SLC2A13: variants seen among roughly 807,000 people sequenced by gnomAD.
SLC2A13 encodes proton myo-inositol cotransporter.
A neutral mutation model predicts 64.4 loss-of-function variants in SLC2A13; 32 were observed. The observed-to-expected ratio is 0.50, with a 90% CI of 0.37 to 0.67. SLC2A13 has a LOEUF of 0.67. SLC2A13 is among the 30% of genes least tolerant of loss of function. The pLI, the probability that SLC2A13 is intolerant of heterozygous loss-of-function variation, is 0.00. For synonymous variants in SLC2A13, 338 were observed against 327.1 expected (o/e 1.03, Z -0.36); for missense variants, 743 against 829.2 (o/e 0.90, Z 1.28).
chr12:39,960,253 G>T, intron 3 of SLC2A13, among the ~76,000 whole-genome samples: 1 of 152,108 alleles, frequency 6.6e-6, no homozygotes, highest in East Asian at 1.9e-4. Flanking sequence ...TGCTGCACTT[G>T]TATGTTAATT....
intron 2 of SLC2A13, among the ~76,000 whole-genome samples, chr12:40,038,605 C>T (rs1472916787): frequency 6.6e-6 from 1 of 151,736 alleles, no homozygotes; most frequent in Non-Finnish European, 1.5e-5. Flanking sequence ...GTGGCATGTA[C>T]TTCTAGTCCT....
chr12:39,762,863 T>C (rs995668776), intron 9 of SLC2A13, among the ~76,000 whole-genome samples: 15 of 152,022 alleles, frequency 9.9e-5, no homozygotes, highest in African/African-American at 3.4e-4. Context: ...CTTTTAACTG[T>C]TTATTTTTGA....
At chr12:39,790,389 G>T (rs1941351891) in intron 7 of SLC2A13, among the ~76,000 whole-genome samples, 1 of 109,648 alleles carries the variant, frequency 9.1e-6, no homozygotes. Flanking sequence ...CCCCACCACA[G>T]TCCCCAGAGT....
intron 4 of SLC2A13, among the ~76,000 whole-genome samples, chr12:39,880,371 A>C (rs1426981134): frequency 1.3e-5 from 2 of 152,240 alleles, no homozygotes; most frequent in African/African-American, 4.8e-5. Context: ...TGAAATTTTC[A>C]AACATATTTT....
intron 1 of SLC2A13, among the ~76,000 whole-genome samples, chr12:40,097,349 TTGTG>T (rs1938983095): frequency 6.6e-6 from 1 of 152,164 alleles, no homozygotes; most frequent in Non-Finnish European, 1.5e-5. Context: ...AGTTTTAGTT[TTGTG>T]TGTGTTTAGC....
At chr12:40,049,267 AAATC>A (rs1417528060) in intron 1 of SLC2A13, among the ~76,000 whole-genome samples, 1 of 152,154 alleles carries the variant, frequency 6.6e-6, no homozygotes, top group Admixed American at 6.6e-5. Flanking sequence ...TAGATACTAT[AAATC>A]AATCCTTAGA....
chr12:39,950,942 C>T (rs962329556), intron 4 of SLC2A13: 1 of 348,860 alleles, frequency 2.9e-6, no homozygotes, highest in Admixed American at 4.6e-5. Flanking sequence ...TGCTTTCCAA[C>T]CAGCATCAAG....
chr12:39,776,649 G>A (rs1480834888), intron 7 of SLC2A13, among the ~76,000 whole-genome samples: 1 of 152,216 alleles, frequency 6.6e-6, no homozygotes, highest in African/African-American at 2.4e-5. Flanking sequence ...GAGTATAGAA[G>A]AGAAACCAAA....
intron 1 of SLC2A13, among the ~76,000 whole-genome samples, chr12:40,051,369 G>A (rs866155564): frequency 1.4e-4 from 21 of 152,140 alleles, no homozygotes; most frequent in South Asian, 2.1e-4. Context: ...GACAGAGGGC[G>A]CCTAAGTCAT....
chr12:39,975,361 G>T (rs28370728), intron 3 of SLC2A13, among the ~76,000 whole-genome samples: 46 of 152,254 alleles, frequency 3.0e-4, no homozygotes, highest in African/African-American at 9.9e-4. Flanking sequence ...TTTTAACTAC[G>T]TACATTCTTT....
chr12:39,808,994 G>A (rs1413714179), intron 7 of SLC2A13, among the ~76,000 whole-genome samples: 2 of 151,868 alleles, frequency 1.3e-5, no homozygotes, highest in East Asian at 1.9e-4. Flanking sequence ...CCCTGATGTC[G>A]CAAAGATTTC....
chr12:39,796,962 T>C (rs1941596791), intron 7 of SLC2A13, among the ~76,000 whole-genome samples: 1 of 152,172 alleles, frequency 6.6e-6, no homozygotes, highest in African/African-American at 2.4e-5. Flanking sequence ...TTGCCAAATA[T>C]CCTATTAGAA....
chr12:39,859,668 A>G (rs1420526594), intron 6 of SLC2A13, among the ~76,000 whole-genome samples: 4 of 151,770 alleles, frequency 2.6e-5, no homozygotes, highest in Admixed American at 6.6e-5. Context: ...GATTACAGGC[A>G]CCCACAACCG....
At chr12:39,870,802 T>C (rs774725484) in intron 5 of SLC2A13, among the ~76,000 whole-genome samples, 2 of 152,186 alleles carry the variant, frequency 1.3e-5, no homozygotes, top group Non-Finnish European at 2.9e-5. Context: ...GGTGAAAGCG[T>C]TCTACTCTTC....
At chr12:39,897,951 A>C (rs1298723086) in intron 4 of SLC2A13, among the ~76,000 whole-genome samples, 1 of 152,112 alleles carries the variant, frequency 6.6e-6, no homozygotes, top group African/African-American at 2.4e-5. Context: ...ACAATAATAC[A>C]TGTAAGTTTA....
intron 7 of SLC2A13, among the ~76,000 whole-genome samples, chr12:39,780,215 T>A (rs1317331388): frequency 6.6e-6 from 1 of 152,198 alleles, no homozygotes; most frequent in Non-Finnish European, 1.5e-5. Context: ...AAGTCTTTTT[T>A]AAATATAGTG....
At chr12:39,913,283 T>G (rs1231314450) in intron 4 of SLC2A13, among the ~76,000 whole-genome samples, 1 of 151,982 alleles carries the variant, frequency 6.6e-6, no homozygotes, top group Non-Finnish European at 1.5e-5. Context: ...GCAATGAATC[T>G]TAAGTTAGAG....
intron 3 of SLC2A13, among the ~76,000 whole-genome samples, chr12:40,025,411 T>G (rs1317671857): frequency 6.6e-6 from 1 of 151,944 alleles, no homozygotes; most frequent in Non-Finnish European, 1.5e-5. Flanking sequence ...TAAATTCAAG[T>G]GAACAAGAAA....
At chr12:40,058,461 T>G (rs1948368302) in intron 1 of SLC2A13, among the ~76,000 whole-genome samples, 1 of 152,160 alleles carries the variant, frequency 6.6e-6, no homozygotes, top group Middle Eastern at 3.2e-3. Context: ...ACAAAAAGTC[T>G]GTTTTTTGGA....
Sources: gnomAD v4.1 joint callset for allele counts (sites outside exome capture counted in the v4.1 genomes callset) on GRCh38, gnomAD v4.1.1 for gene constraint, MANE v1.5 for transcripts, NCBI Gene and HGNC (gene_info 2026-07-23, HGNC 2026-07-21) for gene names.